ZFAT: variants seen among roughly 807,000 people sequenced by gnomAD.
ZFAT encodes the protein zinc finger and AT-hook domain containing.
ZFAT carries 64 observed loss-of-function variants against 117.7 expected under a neutral mutation model. The observed-to-expected ratio is 0.54, with a 90% CI of 0.44 to 0.67. ZFAT has a LOEUF of 0.67. Ranked by LOEUF, ZFAT falls within the 30% of genes least tolerant of loss-of-function variation. The pLI is 0.00. For missense variants in ZFAT, 1,433 were observed against 1,584.5 expected (o/e 0.90, Z 1.62); for synonymous variants, 679 against 615.0 (o/e 1.10, Z -1.54).
chr8:134,485,589 G>A (rs1269876952), intron 15 of ZFAT, among the ~76,000 whole-genome samples: 1 of 152,178 alleles, frequency 6.6e-6, no homozygotes, highest in Non-Finnish European at 1.5e-5. Flanking sequence ...TGTGGGGAAG[G>A]CAGTGGCCCG....
Position 134,478,279 on chromosome 8 carries a change from G to T in ZFAT, c.*203C>A. The T allele has an allele frequency of 1.5e-6, 1 of 661,112 alleles. No individual in the cohort carries two copies. The highest frequency in any genetic ancestry group is 2.5e-6 in the Non-Finnish European group (1 of 393,094). 41.0% of individuals were successfully genotyped at this position (661,112 alleles called of 1,614,324 possible). On this transcript the variant is annotated 3_prime_UTR_variant, in exon 16 of 16. Transcript: ENST00000377838. This position sits in a 1 kb window ranked among gnomAD's most constrained non-coding sequence, Gnocchi z 5.2. ...GTCAGGGGGTGTGTGTCTATGCTGG[G>T]GTGAGGGTCCTGTGGTATTGCTGGT...
At chr8:134,713,855 TC>T (rs1160849889), upstream of ZFAT, among the ~76,000 whole-genome samples, 1 of 147,508 alleles carries the variant, frequency 6.8e-6, no homozygotes, top group Non-Finnish European at 1.5e-5. Context: ...CTACGTAGCA[TC>T]CATTCCTATC....
the ZFAT span, among the ~76,000 whole-genome samples, chr8:134,745,795 G>A: frequency 6.6e-6 from 1 of 152,174 alleles, no homozygotes; most frequent in Non-Finnish European, 1.5e-5. Flanking sequence ...CATCCTGTGA[G>A]ATGAGTATAT....
intron 2 of ZFAT, among the ~76,000 whole-genome samples, chr8:134,656,342 T>A (rs1371483458): frequency 6.6e-6 from 1 of 152,180 alleles, no homozygotes. Context: ...TCACAAGGCC[T>A]GTGAGGGGCT....
At chr8:134,704,942 G>A (rs1298401365) in intron 1 of ZFAT, among the ~76,000 whole-genome samples, 1 of 149,376 alleles carries the variant, frequency 6.7e-6, no homozygotes, top group African/African-American at 2.5e-5. Context: ...GGACCTTAAA[G>A]TAGGAAAACA....
At chr8:134,501,264 A>C (rs571296568) in intron 15 of ZFAT, among the ~76,000 whole-genome samples, 43 of 152,268 alleles carry the variant, frequency 2.8e-4, no homozygotes, top group Non-Finnish European at 5.1e-4. Flanking sequence ...GAGATACGCA[A>C]CCAATTTGCC....
At chr8:134,685,392 T>C (rs1322404195) in intron 1 of ZFAT, among the ~76,000 whole-genome samples, 1 of 152,178 alleles carries the variant, frequency 6.6e-6, no homozygotes. Context: ...ATGCAAGTCT[T>C]GGTCTCCCCA....
chr8:134,686,729 C>T (rs1013543513), intron 1 of ZFAT, among the ~76,000 whole-genome samples: 3 of 152,116 alleles, frequency 2.0e-5, no homozygotes. Context: ...AGACGATGTG[C>T]CTAGCTTAGT....
At chr8:134,599,733 G>C in intron 7 of ZFAT, 1 of 454,806 alleles carries the variant, frequency 2.2e-6, no homozygotes, top group South Asian at 1.6e-5. Context: ...ACCACACCTG[G>C]GGCCAGATGT....
At chr8:134,614,543 GT>G (rs1465753457) in intron 3 of ZFAT, among the ~76,000 whole-genome samples, 2 of 152,158 alleles carry the variant, frequency 1.3e-5, no homozygotes, top group Non-Finnish European at 2.9e-5. Flanking sequence ...ACAATTATCT[GT>G]TGACATGCCT....
chr8:134,521,872 C>T (rs1429251535), intron 12 of ZFAT, among the ~76,000 whole-genome samples: 3 of 152,168 alleles, frequency 2.0e-5, no homozygotes, highest in Non-Finnish European at 2.9e-5. Context: ...GGGGAATGAG[C>T]CCTCTCACCA....
chr8:134,600,816 CT>C, intron 6 of ZFAT, 148 bp from the exon 7 acceptor site: 1 of 663,220 alleles, frequency 1.5e-6, no homozygotes, highest in Non-Finnish European at 2.4e-6. Flanking sequence ...ACATTTCTGT[CT>C]GAAAATTACT....
chr8:134,699,730 G>A (rs1833960464), intron 1 of ZFAT, among the ~76,000 whole-genome samples: 1 of 152,188 alleles, frequency 6.6e-6, no homozygotes, highest in African/African-American at 2.4e-5. Flanking sequence ...CCCAACATGA[G>A]AGAACTGCAG....
rs1401098724 is a variant in ZFAT at position 134,629,917 on chromosome 8, T to C, written c.448+7544A>G. ...TGAGCCAAGGTGAAACCACCCAGGC[T>C]CTCTTCCCTCCTGTACCATGACCAG... On this transcript the variant is annotated intron_variant, in intron 3 of 15. Coordinates refer to ENST00000377838, the MANE Select transcript of ZFAT (RefSeq NM_020863.4). Among the ~76,000 whole-genome samples the C allele has an allele frequency of 2.0e-5, 3 of 152,176 alleles. No individual in the cohort carries two copies. The East Asian group carries it at 5.8e-4, about 29-fold the overall frequency.
At chr8:134,692,773 G>A (rs1311306312) in intron 1 of ZFAT, among the ~76,000 whole-genome samples, 1 of 152,240 alleles carries the variant, frequency 6.6e-6, no homozygotes, top group Non-Finnish European at 1.5e-5. Context: ...GAGAAGAAGA[G>A]CTCTAATTAA....
intron 15 of ZFAT, among the ~76,000 whole-genome samples, chr8:134,496,402 G>A (rs1377889865): frequency 6.6e-6 from 1 of 152,226 alleles, no homozygotes; most frequent in Admixed American, 6.5e-5. Flanking sequence ...TGACTCCCAT[G>A]AAACGGGCTT....
intron 1 of ZFAT, among the ~76,000 whole-genome samples, chr8:134,685,076 G>T (rs1833256415): frequency 6.6e-6 from 1 of 152,114 alleles, no homozygotes; most frequent in South Asian, 2.1e-4. Context: ...CCTCCTGTTG[G>T]TCACACAGAC....
intron 15 of ZFAT, among the ~76,000 whole-genome samples, chr8:134,488,571 A>G (rs1449353292): frequency 2.0e-5 from 3 of 152,202 alleles, no homozygotes; most frequent in African/African-American, 4.8e-5. Context: ...ATTCCCACAT[A>G]TACTTCAGAC....
At chr8:134,828,182 CTCT>C in the ZFAT span, among the ~76,000 whole-genome samples, 2 of 152,112 alleles carry the variant, frequency 1.3e-5, no homozygotes, top group Non-Finnish European at 2.9e-5. Flanking sequence ...TTAATATCAT[CTCT>C]TCTTTAATCT....
Sources: gnomAD v4.1 joint callset for allele counts (sites outside exome capture counted in the v4.1 genomes callset) on GRCh38, gnomAD v4.1.1 for gene constraint, Gnocchi (gnomAD v3.1) non-coding constraint, MANE v1.5 for transcripts, NCBI Gene and HGNC (gene_info 2026-07-23, HGNC 2026-07-21) for gene names.